AUTS2: variants seen among roughly 807,000 people sequenced by gnomAD.
AUTS2 encodes the protein autism susceptibility gene 2 protein.
A neutral mutation model predicts 112.4 loss-of-function variants in AUTS2; 17 were observed. The ratio of observed to expected loss-of-function variants is 0.15; its 90% confidence interval spans 0.10 to 0.23. The LOEUF (loss-of-function observed/expected upper bound fraction) is 0.23. Among genes scored for constraint, AUTS2 ranks in the 10% least tolerant of loss-of-function variants. AUTS2 has a pLI of 1.00. For synonymous variants in AUTS2, 751 were observed against 702.7 expected, an observed-to-expected ratio of 1.07 and a Z score of -1.09; for missense variants, 1,510 against 1,701.6, an observed-to-expected ratio of 0.89 and a Z score of 1.98.
intron 4 of AUTS2, among the ~76,000 whole-genome samples, chr7:70,346,805 A>G (rs758808298): frequency 2.4e-4 from 36 of 152,238 alleles, no homozygotes; most frequent in Middle Eastern, 6.8e-3. Flanking sequence ...ATGGTCCCCA[A>G]ATGAAGCTTC....
intron 6 of AUTS2, among the ~76,000 whole-genome samples, chr7:70,705,839 A>G (rs930832935): frequency 2.0e-5 from 3 of 152,192 alleles, no homozygotes; most frequent in African/African-American, 7.2e-5. Flanking sequence ...AAGCCCTTGG[A>G]TAGGAGTGGA....
At chr7:69,865,792 A>T (rs1793200126) in intron 1 of AUTS2, among the ~76,000 whole-genome samples, 1 of 152,130 alleles carries the variant, frequency 6.6e-6, no homozygotes. Context: ...GTAATAGCCC[A>T]ATTTTTATTT....
At position 70,749,258 on chromosome 7, in the gene AUTS2, C is replaced by G. The variant is rs10270590; in HGVS notation, c.743-13612C>G. Among the ~76,000 whole-genome samples, 1,331 of 152,274 alleles carry G rather than the reference C, an allele frequency of 8.7e-3. 15 individuals are homozygous for G. Among genetic ancestry groups the G allele is most frequent in the African/African-American group, 0.031 (1,270 of 41,536 alleles). ...ATCCGCAGCCTTATGGACAGCCTCC[C>G]TCAGCAGTGGGGCTTGCTGAGGCTC... On this transcript the variant is annotated intron_variant, in intron 6 of 18. Coordinates refer to ENST00000342771, the MANE Select transcript of AUTS2 (RefSeq NM_015570.4).
At chr7:69,643,916 C>T (rs184666689) in intron 1 of AUTS2, among the ~76,000 whole-genome samples, 46 of 152,264 alleles carry the variant, frequency 3.0e-4, no homozygotes, top group Non-Finnish European at 5.9e-4. Flanking sequence ...TGCACTCAAC[C>T]TGGGCAACAG....
At chr7:70,265,514 T>C (rs1787376676) in intron 4 of AUTS2, among the ~76,000 whole-genome samples, 1 of 152,202 alleles carries the variant, frequency 6.6e-6, no homozygotes, top group Non-Finnish European at 1.5e-5. Context: ...CAGTCCCTTA[T>C]TCTCATCTTT....
At chr7:70,381,594 T>G (rs944828423) in intron 4 of AUTS2, among the ~76,000 whole-genome samples, 1 of 152,192 alleles carries the variant, frequency 6.6e-6, no homozygotes, top group Non-Finnish European at 1.5e-5. Context: ...GATTTGAAGA[T>G]TCTTAATATT....
intron 1 of AUTS2, among the ~76,000 whole-genome samples, chr7:69,644,514 A>T (rs1562781956): frequency 6.6e-6 from 1 of 151,780 alleles, no homozygotes; most frequent in Non-Finnish European, 1.5e-5. Flanking sequence ...AAAAAAAAAA[A>T]CTTTTAAAGT....
chr7:70,206,959 C>T (rs1031244105), intron 4 of AUTS2, among the ~76,000 whole-genome samples: 2 of 151,826 alleles, frequency 1.3e-5, no homozygotes, highest in African/African-American at 4.8e-5. Flanking sequence ...AAACCTTTTT[C>T]AGTAAAGTCT....
At chr7:69,743,466 A>C (rs958765963) in intron 1 of AUTS2, among the ~76,000 whole-genome samples, 1 of 152,160 alleles carries the variant, frequency 6.6e-6, no homozygotes, top group Admixed American at 6.5e-5. Context: ...TAACATTGTC[A>C]TGGGTTAGAT....
At chr7:69,907,092 G>A (rs771959580) in intron 2 of AUTS2, among the ~76,000 whole-genome samples, 21 of 152,314 alleles carry the variant, frequency 1.4e-4, no homozygotes, top group Non-Finnish European at 2.4e-4. Context: ...GGGCAACAGA[G>A]CGAGGTCCTG....
chr7:70,166,532 A>G (rs1420130349), intron 4 of AUTS2, among the ~76,000 whole-genome samples: 1 of 152,150 alleles, frequency 6.6e-6, no homozygotes, highest in African/African-American at 2.4e-5. Context: ...CAATACATGA[A>G]ATAGTATAAT....
intron 2 of AUTS2, among the ~76,000 whole-genome samples, chr7:70,086,191 A>C (rs1803588569): frequency 6.6e-6 from 1 of 152,180 alleles, no homozygotes; most frequent in Admixed American, 6.5e-5. Context: ...TGTAAATGTA[A>C]ATTTCTTCAA....
At chr7:70,285,979 G>A (rs996116720) in intron 4 of AUTS2, among the ~76,000 whole-genome samples, 3 of 152,216 alleles carry the variant, frequency 2.0e-5, no homozygotes, top group Admixed American at 1.3e-4. Flanking sequence ...ATGTAGACTA[G>A]CTTGTACATG....
intron 5 of AUTS2, among the ~76,000 whole-genome samples, chr7:70,478,692 C>A (rs1797676189): frequency 6.6e-6 from 1 of 151,912 alleles, no homozygotes; most frequent in Non-Finnish European, 1.5e-5. Flanking sequence ...CACCCTCCAG[C>A]ATAGAGAAGG....
chr7:70,136,614 T>A (rs986506330), intron 4 of AUTS2, among the ~76,000 whole-genome samples: 3 of 152,224 alleles, frequency 2.0e-5, no homozygotes, highest in African/African-American at 7.2e-5. Flanking sequence ...GCTGTCATAA[T>A]AGCTTTTTAC....
chr7:70,169,121 T>C (rs1236937887), intron 4 of AUTS2, among the ~76,000 whole-genome samples: 2 of 152,232 alleles, frequency 1.3e-5, no homozygotes, highest in Non-Finnish European at 2.9e-5. Flanking sequence ...TTGATGATTT[T>C]TAAAATTTGT....
chr7:69,635,459 C>T (rs767088084), intron 1 of AUTS2, among the ~76,000 whole-genome samples: 5 of 152,056 alleles, frequency 3.3e-5, no homozygotes, highest in Non-Finnish European at 5.9e-5. Flanking sequence ...ACAGTATCTG[C>T]GGGGAAAAGT....
chr7:70,085,217 A>C (rs1803533734), intron 2 of AUTS2, among the ~76,000 whole-genome samples: 1 of 152,112 alleles, frequency 6.6e-6, no homozygotes, highest in East Asian at 1.9e-4. Flanking sequence ...ATATCTAAGA[A>C]ATTATTTACA....
intron 4 of AUTS2, among the ~76,000 whole-genome samples, chr7:70,221,464 A>G (rs1460643021): frequency 5.3e-5 from 8 of 152,208 alleles, no homozygotes; most frequent in East Asian, 3.8e-4. Flanking sequence ...TGGAAGATAC[A>G]TAAAGTTTTC....
Sources: gnomAD v4.1 joint callset for allele counts (sites outside exome capture counted in the v4.1 genomes callset) on GRCh38, gnomAD v4.1.1 for gene constraint, MANE v1.5 for transcripts, NCBI Gene and HGNC (gene_info 2026-07-23, HGNC 2026-07-21) for gene names.